The following GULP1 variants were observed in gnomAD, a reference collection of about 807,000 sequenced individuals.
GULP1 encodes PTB domain-containing engulfment adapter protein 1.
Under a neutral mutation model 40.9 loss-of-function variants are expected in GULP1, and 19 were observed. The observed-to-expected ratio is 0.46, with a 90% CI of 0.32 to 0.68. The LOEUF is 0.68. GULP1 is among the 30% of genes least tolerant of loss of function. GULP1 has a pLI of 0.03. For missense variants in GULP1, 312 were observed against 362.2 expected (o/e 0.86, Z 1.12); for synonymous variants, 119 against 117.6 (o/e 1.01, Z -0.08).
rs773693866 is a variant in GULP1 at position 188,421,796 on chromosome 2, T to A, written c.-45+37907T>A. 2.6e-5 allele frequency among the ~76,000 whole-genome samples: 4 copies of A among 152,156 alleles called. 1 individual carries two copies. The highest frequency in any genetic ancestry group is 5.9e-5 in the Non-Finnish European group (4 of 68,024). ...GCTTTAGAGGCAGAGGGACAAGTAA[T>A]GCTGAAGAATAGATGTATGAAGGAC... On this transcript the variant is annotated intron_variant, in intron 2 of 11. Coordinates refer to ENST00000409830, the MANE Select transcript of GULP1 (RefSeq NM_016315.4).
chr2:188,384,882 G>A (rs1329538856), intron 2 of GULP1, among the ~76,000 whole-genome samples: 1 of 152,212 alleles, frequency 6.6e-6, no homozygotes, highest in African/African-American at 2.4e-5. Flanking sequence ...TGATGTAAGA[G>A]GTGAGTTCCC....
intron 2 of GULP1, among the ~76,000 whole-genome samples, chr2:188,419,974 A>G (rs2055155968): frequency 6.6e-6 from 1 of 152,032 alleles, no homozygotes. Context: ...TCTTCATTGT[A>G]TGTTCTTAGC....
chr2:188,580,598 G>T (rs576014396), intron 9 of GULP1, among the ~76,000 whole-genome samples: 1 of 151,538 alleles, frequency 6.6e-6, no homozygotes, highest in African/African-American at 2.4e-5. Flanking sequence ...AAAAAATTAT[G>T]TATTTATATA....
intron 2 of GULP1, among the ~76,000 whole-genome samples, chr2:188,476,299 T>TG (rs1559285326): frequency 6.6e-6 from 1 of 152,042 alleles, no homozygotes; most frequent in African/African-American, 2.4e-5. Flanking sequence ...TAGAGTGGAA[T>TG]GGGGGAAGCT....
At chr2:188,505,892 A>T (rs1309513736) in intron 4 of GULP1, among the ~76,000 whole-genome samples, 1 of 151,930 alleles carries the variant, frequency 6.6e-6, no homozygotes, top group Non-Finnish European at 1.5e-5. Flanking sequence ...CTGAACAAAC[A>T]TGCCTCAGAC....
chr2:188,468,710 A>G (rs2152995943), intron 2 of GULP1, among the ~76,000 whole-genome samples: 1 of 152,286 alleles, frequency 6.6e-6, no homozygotes, highest in South Asian at 2.1e-4. Context: ...AGTTCAGTGA[A>G]ATAGATTGGG....
At position 188,483,449 on chromosome 2, in the gene GULP1, C is replaced by T. The variant is rs768506343; in HGVS notation, c.47C>T (p.Thr16Ile). Residue 16 changes from threonine (T) to isoleucine (I), a missense_variant, in exon 4 of 12, where the codon ACA becomes ATA. Coordinates refer to ENST00000409830, the MANE Select transcript of GULP1 (RefSeq NM_016315.4). ...ATTGCAGACAAAACATGGATGCATACACCTGAAGCTTTATCAAAACATTTC... is the reference window on the plus strand; with the variant it reads ...ATTGCAGACAAAACATGGATGCATATACCTGAAGCTTTATCAAAACATTTC... ...SRKKDKTWMH[T>I]PEALSKHFIP... The T allele has an allele frequency of 2.0e-6, 3 of 1,530,120 alleles. No homozygotes were observed. The highest frequency in any genetic ancestry group is 3.4e-5 in the Admixed American group (2 of 58,880). 94.8% of individuals were successfully genotyped at this position (1,530,120 alleles called of 1,614,324 possible).
intron 7 of GULP1, among the ~76,000 whole-genome samples, chr2:188,542,822 A>G (rs1301551148): frequency 6.6e-6 from 1 of 152,174 alleles, no homozygotes; most frequent in African/African-American, 2.4e-5. Context: ...TAAAGTTGAT[A>G]TTTGTTGAAT....
intron 1 of GULP1, among the ~76,000 whole-genome samples, chr2:188,304,667 A>G (rs377674800): frequency 2.7e-4 from 41 of 152,280 alleles, no homozygotes; most frequent in African/African-American, 8.9e-4. Context: ...TTCCTGGCAG[A>G]TGCTCGATTC....
chr2:188,294,660 A>C (rs748836829), intron 1 of GULP1, among the ~76,000 whole-genome samples: 2 of 152,220 alleles, frequency 1.3e-5, no homozygotes, highest in Non-Finnish European at 1.5e-5. Flanking sequence ...GAGATTGTGA[A>C]TATTAGCCTG....
chr2:188,515,916 T>G, intron 4 of GULP1, among the ~76,000 whole-genome samples: 1 of 152,330 alleles, frequency 6.6e-6, no homozygotes, highest in East Asian at 1.9e-4. Context: ...ATAATCTATG[T>G]CCATTTAAAA....
chr2:188,474,451 T>A (rs1437452495), intron 2 of GULP1, among the ~76,000 whole-genome samples: 2 of 152,170 alleles, frequency 1.3e-5, no homozygotes, highest in East Asian at 1.9e-4. Flanking sequence ...TAAGGCAGTT[T>A]TAAAAGCTCC....
chr2:188,414,984 T>C (rs1437482228), intron 2 of GULP1, among the ~76,000 whole-genome samples: 1 of 152,198 alleles, frequency 6.6e-6, no homozygotes, highest in Non-Finnish European at 1.5e-5. Context: ...AATAATGTTA[T>C]ATCAAGAGTA....
chr2:188,408,874 A>G (rs1040933752), intron 2 of GULP1, among the ~76,000 whole-genome samples: 1 of 152,204 alleles, frequency 6.6e-6, no homozygotes, highest in Non-Finnish European at 1.5e-5. Flanking sequence ...GAATTTTGGG[A>G]AATAAATATG....
intron 6 of GULP1, among the ~76,000 whole-genome samples, chr2:188,529,869 T>C (rs7423329): frequency 0.96 from 146,535 of 152,228 alleles, 70,639 homozygotes; most frequent in East Asian, 1. Flanking sequence ...ATCTCCTGTT[T>C]GAAGAAAAAC....
At chr2:188,460,105 A>G (rs2059580563) in intron 2 of GULP1, among the ~76,000 whole-genome samples, 1 of 152,156 alleles carries the variant, frequency 6.6e-6, no homozygotes, top group African/African-American at 2.4e-5. Context: ...CTTTTTGCTT[A>G]GGATAGCTTT....
intron 2 of GULP1, among the ~76,000 whole-genome samples, chr2:188,426,590 G>C (rs1344375747): frequency 1.3e-5 from 2 of 152,160 alleles, no homozygotes; most frequent in African/African-American, 4.8e-5. Flanking sequence ...CCTGTTATGT[G>C]ATGCTATACC....
At chr2:188,434,197 C>T (rs895495997) in intron 2 of GULP1, among the ~76,000 whole-genome samples, 1 of 151,836 alleles carries the variant, frequency 6.6e-6, no homozygotes, top group African/African-American at 2.4e-5. Context: ...TATTTTTATT[C>T]CTTCAGTTGT....
At chr2:188,574,884 A>G (rs926663799) in intron 9 of GULP1, among the ~76,000 whole-genome samples, 1 of 152,204 alleles carries the variant, frequency 6.6e-6, no homozygotes, top group African/African-American at 2.4e-5. Context: ...AGAATGATCT[A>G]CATGGACACC....
Sources: allele counts gnomAD v4.1 joint callset (sites outside exome capture counted in the v4.1 genomes callset), GRCh38; gene constraint gnomAD v4.1.1; transcripts MANE v1.5; gene names NCBI Gene and HGNC (gene_info 2026-07-23, HGNC 2026-07-21).